THSD7B: variants seen among roughly 807,000 people sequenced by gnomAD.
The protein encoded by THSD7B is thrombospondin type-1 domain-containing protein 7B.
THSD7B carries 138 observed loss-of-function variants against 213.6 expected under a neutral mutation model. That is an observed-to-expected ratio of 0.65 (90% CI 0.56 to 0.74). The LOEUF is 0.74. Among genes scored for constraint, THSD7B ranks in the 30% least tolerant of loss-of-function variants. The pLI is 0.00. For missense variants in THSD7B, 1,931 were observed against 1,991.5 expected, an observed-to-expected ratio of 0.97 and a Z score of 0.58; for synonymous variants, 742 against 687.0, an observed-to-expected ratio of 1.08 and a Z score of -1.25.
intron 12 of THSD7B, among the ~76,000 whole-genome samples, chr2:137,285,724 C>G (rs1683157018): frequency 6.6e-6 from 1 of 151,864 alleles, no homozygotes; most frequent in South Asian, 2.1e-4. Flanking sequence ...ATGTATTTAC[C>G]ATTTTTGCCT....
At chr2:137,166,304 T>A (rs1680127456) in intron 6 of THSD7B, among the ~76,000 whole-genome samples, 1 of 152,202 alleles carries the variant, frequency 6.6e-6, no homozygotes, top group South Asian at 2.1e-4. Flanking sequence ...GTGTTATAAT[T>A]AGAGATATAT....
At chr2:137,583,610 A>G (rs1339667181) in intron 17 of THSD7B, among the ~76,000 whole-genome samples, 1 of 151,952 alleles carries the variant, frequency 6.6e-6, no homozygotes, top group Non-Finnish European at 1.5e-5. Flanking sequence ...TTTCCCCATT[A>G]TTTGTTTTTC....
chr2:136,964,036 A>G (rs906499112), intron 2 of THSD7B, among the ~76,000 whole-genome samples: 3 of 152,196 alleles, frequency 2.0e-5, no homozygotes, highest in Admixed American at 2.0e-4. Context: ...TTGCAACTGA[A>G]CACAGCTGGA....
intron 12 of THSD7B, among the ~76,000 whole-genome samples, chr2:137,324,505 A>G (rs574120106): frequency 1.3e-5 from 2 of 152,220 alleles, no homozygotes; most frequent in South Asian, 2.1e-4. Context: ...TTTACTAGGC[A>G]TCTTGTGAAA....
chr2:137,422,270 GAAC>G (rs1686944518), intron 14 of THSD7B, among the ~76,000 whole-genome samples: 1 of 152,154 alleles, frequency 6.6e-6, no homozygotes, highest in Non-Finnish European at 1.5e-5. Flanking sequence ...GTATTTCCTT[GAAC>G]AACATTATAT....
At chr2:137,348,582 G>A (rs1224773183) in intron 12 of THSD7B, among the ~76,000 whole-genome samples, 1 of 151,472 alleles carries the variant, frequency 6.6e-6, no homozygotes, top group African/African-American at 2.4e-5. Context: ...TGTCACATAA[G>A]AGCTCAGTCA....
intron 5 of THSD7B, among the ~76,000 whole-genome samples, chr2:137,137,108 T>C (rs1450563624): frequency 2.0e-5 from 3 of 152,194 alleles, no homozygotes; most frequent in African/African-American, 7.2e-5. Flanking sequence ...TGGTAAAATA[T>C]TTGCACAACT....
intron 1 of THSD7B, among the ~76,000 whole-genome samples, chr2:136,815,654 GAAAT>G (rs889085241): frequency 4.6e-5 from 7 of 152,094 alleles, no homozygotes; most frequent in South Asian, 4.2e-4. Context: ...ATATAAGAAA[GAAAT>G]AGAGTAACAG....
At chr2:137,109,186 T>C (rs1287701379) in intron 4 of THSD7B, among the ~76,000 whole-genome samples, 3 of 152,134 alleles carry the variant, frequency 2.0e-5, no homozygotes, top group African/African-American at 7.2e-5. Flanking sequence ...CCTCCCTGGC[T>C]CCCACAGCCT....
At chr2:137,414,199 T>C (rs1558789592) in intron 14 of THSD7B, among the ~76,000 whole-genome samples, 1 of 152,190 alleles carries the variant, frequency 6.6e-6, no homozygotes, top group Non-Finnish European at 1.5e-5. Context: ...AAAATCATGC[T>C]TTAATCAAAA....
chr2:137,011,085 C>T (rs568879797), intron 2 of THSD7B, among the ~76,000 whole-genome samples: 3 of 152,252 alleles, frequency 2.0e-5, no homozygotes, highest in African/African-American at 7.2e-5. Context: ...GAACTATTTA[C>T]ATTCTCTGAC....
chr2:137,545,043 T>A (rs964072207), intron 15 of THSD7B, among the ~76,000 whole-genome samples: 2 of 151,776 alleles, frequency 1.3e-5, no homozygotes, highest in Non-Finnish European at 2.9e-5. Context: ...TCTGTCTCAG[T>A]CACCTCTTCT....
At chr2:137,309,209 T>A (rs1429178644) in intron 12 of THSD7B, among the ~76,000 whole-genome samples, 1 of 152,044 alleles carries the variant, frequency 6.6e-6, no homozygotes, top group African/African-American at 2.4e-5. Context: ...GGAAAACTCA[T>A]TTTTGTACTT....
intron 2 of THSD7B, among the ~76,000 whole-genome samples, chr2:136,971,296 T>C (rs560119346): frequency 3.3e-5 from 5 of 152,030 alleles, no homozygotes; most frequent in African/African-American, 1.2e-4. Flanking sequence ...CATGGTATTC[T>C]GAGTACAGCC....
At chr2:137,050,221 G>A (rs1305491119) in intron 2 of THSD7B, among the ~76,000 whole-genome samples, 2 of 152,044 alleles carry the variant, frequency 1.3e-5, no homozygotes, top group Non-Finnish European at 2.9e-5. Flanking sequence ...CTTTTTTTAG[G>A]CTTTAGAATT....
rs1553465248 is a variant in THSD7B, at chr2:137,626,479, AAG to A, written c.3799+5755_3799+5756del. Among the ~76,000 whole-genome samples, 993 of 143,692 alleles carry A rather than the reference AAG, an allele frequency of 6.9e-3. 19 individuals are homozygous for A. Among genetic ancestry groups the A allele is most frequent in the African/African-American group, 0.014 (523 of 37,956 alleles). The allele number at this position is 143,692 out of a possible 152,430, so 94.3% of individuals were successfully genotyped here. A position where few individuals can be genotyped will look rare whatever the true frequency, so the allele number is the denominator to read the frequency against. On this transcript the variant is annotated intron_variant, in intron 20 of 27. Coordinates refer to ENST00000409968, the MANE Select transcript of THSD7B (RefSeq NM_001316349.2). The stretch of plus-strand genomic sequence containing the variant: ...ACTCTGTCTCAAAAAAAAAAAAAAA[AAG>A]AAAAAGAAAAAGAAAATGCCTTCAG...
At chr2:137,386,267 T>C (rs1685890884) in intron 12 of THSD7B, among the ~76,000 whole-genome samples, 1 of 152,220 alleles carries the variant, frequency 6.6e-6, no homozygotes, top group Non-Finnish European at 1.5e-5. Flanking sequence ...CCCCTGAGTG[T>C]AGTGAAATTT....
chr2:136,873,598 T>C (rs575214879), intron 1 of THSD7B, among the ~76,000 whole-genome samples: 55 of 152,224 alleles, frequency 3.6e-4, no homozygotes, highest in Non-Finnish European at 6.6e-4. Context: ...GATTGGAAAG[T>C]TGAAAAATCA....
intron 12 of THSD7B, among the ~76,000 whole-genome samples, chr2:137,316,808 G>A (rs977056197): frequency 6.6e-6 from 1 of 151,686 alleles, no homozygotes; most frequent in African/African-American, 2.4e-5. Flanking sequence ...AGGTTCTTAT[G>A]ATATGGTAAT....
Sources: allele counts gnomAD v4.1 joint callset (sites outside exome capture counted in the v4.1 genomes callset), GRCh38; gene constraint gnomAD v4.1.1; transcripts MANE v1.5; gene names NCBI Gene and HGNC (gene_info 2026-07-23, HGNC 2026-07-21).